ATRNL1: variants seen among roughly 807,000 people sequenced by gnomAD.
The protein encoded by ATRNL1 is attractin-like protein 1.
In ATRNL1, 95 loss-of-function variants were observed where a neutral mutation model predicts 182.7. That is an observed-to-expected ratio of 0.52 (90% CI 0.44 to 0.62). The LOEUF is 0.62. Ranked by LOEUF, ATRNL1 falls within the 20% of genes least tolerant of loss-of-function variation. ATRNL1 has a pLI of 0.00. For missense variants in ATRNL1, 1,471 were observed against 1,679.5 expected (o/e 0.88, Z 2.17); for synonymous variants, 576 against 568.3 (o/e 1.01, Z -0.19).
At chr10:115,844,808 T>G (rs1555098311) in intron 27 of ATRNL1, among the ~76,000 whole-genome samples, 2 of 151,994 alleles carry the variant, frequency 1.3e-5, no homozygotes, top group Admixed American at 6.6e-5. Context: ...CCAGGCCTTA[T>G]CTCTTTGAAA....
chr10:115,156,473 A>C (rs1298813712), intron 5 of ATRNL1, among the ~76,000 whole-genome samples: 1 of 152,156 alleles, frequency 6.6e-6, no homozygotes, highest in East Asian at 1.9e-4. Context: ...GTTTGAATTC[A>C]TGAGAGATTG....
chr10:115,425,367 G>C, intron 20 of ATRNL1, among the ~76,000 whole-genome samples: 1 of 151,640 alleles, frequency 6.6e-6, no homozygotes, highest in East Asian at 1.9e-4. Context: ...ATAATTTTTA[G>C]TATTTAAATA....
At chr10:115,879,179 T>C (rs2134435400) in intron 28 of ATRNL1, among the ~76,000 whole-genome samples, 1 of 152,010 alleles carries the variant, frequency 6.6e-6, no homozygotes, top group Admixed American at 6.5e-5. Context: ...TGGTGATACA[T>C]GCCTGTAGTC....
At chr10:115,282,599 G>A (rs1349359732) in intron 14 of ATRNL1, among the ~76,000 whole-genome samples, 2 of 152,056 alleles carry the variant, frequency 1.3e-5, no homozygotes, top group Non-Finnish European at 1.5e-5. Flanking sequence ...CTCTTCCTTT[G>A]AAATATAAAA....
chr10:115,336,128 A>G (rs979810654), intron 19 of ATRNL1, among the ~76,000 whole-genome samples: 3 of 152,218 alleles, frequency 2.0e-5, no homozygotes, highest in African/African-American at 7.2e-5. Flanking sequence ...TGTGGACACA[A>G]ATATTTAATG....
At chr10:115,375,110 A>G (rs1400123234) in intron 19 of ATRNL1, among the ~76,000 whole-genome samples, 8 of 151,566 alleles carry the variant, frequency 5.3e-5, no homozygotes, top group African/African-American at 9.7e-5. Context: ...ATTGTAGTCT[A>G]TCTGTCTTTT....
chr10:115,564,133 T>C (rs2133845969), intron 26 of ATRNL1, among the ~76,000 whole-genome samples: 1 of 152,206 alleles, frequency 6.6e-6, no homozygotes, highest in African/African-American at 2.4e-5. Context: ...ATTTAGTTTA[T>C]TGTCATTCAC....
chr10:115,234,890 A>T (rs890414739), intron 9 of ATRNL1, among the ~76,000 whole-genome samples: 5 of 152,116 alleles, frequency 3.3e-5, no homozygotes, highest in African/African-American at 1.2e-4. Context: ...TTGATTTCTT[A>T]ATAAGTTTTC....
chr10:115,777,984 G>T (rs1421048322), intron 27 of ATRNL1, among the ~76,000 whole-genome samples: 4 of 151,592 alleles, frequency 2.6e-5, no homozygotes, highest in Non-Finnish European at 1.5e-5. Flanking sequence ...GAAACTTATT[G>T]CGAACTTGTG....
At chr10:115,274,668 A>G (rs941965676) in intron 13 of ATRNL1, among the ~76,000 whole-genome samples, 1 of 152,210 alleles carries the variant, frequency 6.6e-6, no homozygotes, top group South Asian at 2.1e-4. Flanking sequence ...CTCAGAACTA[A>G]GTTATTAAAT....
chr10:115,698,399 C>A lies in ATRNL1; in HGVS notation c.3796-28849C>A, dbSNP rs1407939902. ...ATAAGGACAGGGGAAATCATGAAGG[C>A]ATTTTAAGATGATGAATTTTCTTAA... On this transcript the variant is annotated intron_variant, in intron 26 of 28. Transcript: ENST00000355044. Among the ~76,000 whole-genome samples, 2 of 152,058 alleles carry A rather than the reference C, an allele frequency of 1.3e-5. 1 individual carries two copies. The highest frequency in any genetic ancestry group is 3.9e-4 in the East Asian group (2 of 5,188).
intron 26 of ATRNL1, among the ~76,000 whole-genome samples, chr10:115,599,583 T>C (rs1555015313): frequency 1.3e-5 from 2 of 152,174 alleles, no homozygotes; most frequent in Non-Finnish European, 2.9e-5. Flanking sequence ...TGACTACTAG[T>C]AGTTTGCTAA....
At chr10:115,488,296 G>A (rs1461687698) in intron 24 of ATRNL1, among the ~76,000 whole-genome samples, 1 of 152,160 alleles carries the variant, frequency 6.6e-6, no homozygotes, top group African/African-American at 2.4e-5. Context: ...AGAAGGAATG[G>A]TACCAGTTCC....
At chr10:115,824,316 A>G (rs1233307583) in intron 27 of ATRNL1, among the ~76,000 whole-genome samples, 5 of 152,240 alleles carry the variant, frequency 3.3e-5, no homozygotes, top group Non-Finnish European at 7.3e-5. Flanking sequence ...ACCTAAAACC[A>G]TAGAAACCCT....
chr10:115,825,994 G>A (rs1950422546), intron 27 of ATRNL1, among the ~76,000 whole-genome samples: 1 of 152,100 alleles, frequency 6.6e-6, no homozygotes, highest in East Asian at 1.9e-4. Context: ...ATGTAGACAT[G>A]GGATTTTAGC....
intron 17 of ATRNL1, 31 bp downstream of exon 17, chr10:115,302,074 T>TTTAAA (rs781848950): frequency 6.6e-7 from 1 of 1,526,386 alleles, no homozygotes; most frequent in Non-Finnish European, 8.9e-7. Context: ...ACTTTTCACT[T>TTTAAA]GACAGCAACG....
intron 25 of ATRNL1, among the ~76,000 whole-genome samples, chr10:115,548,408 A>G (rs1292888481): frequency 1.3e-5 from 2 of 152,224 alleles, no homozygotes; most frequent in African/African-American, 2.4e-5. Flanking sequence ...AAAAATTGCC[A>G]CTGCTTATGA....
chr10:115,752,515 G>C (rs1183733881), intron 27 of ATRNL1, among the ~76,000 whole-genome samples: 1 of 151,966 alleles, frequency 6.6e-6, no homozygotes, highest in Non-Finnish European at 1.5e-5. Flanking sequence ...AAGATGAAAA[G>C]AACTGATAAT....
rs1855454720 is a variant in ATRNL1 at position 115,585,453 on chromosome 10, T to C, written c.3795+35917T>C. On this transcript the variant is annotated intron_variant, in intron 26 of 28. Coordinates refer to ENST00000355044, the MANE Select transcript of ATRNL1 (RefSeq NM_207303.4). ...TGCTCCTGTATTGGGTGCATATATA[T>C]TTAGGATAGTTAGCTCTTCTTGTTG... is the stretch of plus-strand genomic sequence containing the variant. Among the ~76,000 whole-genome samples, 4 of 127,362 alleles carry C rather than the reference T, an allele frequency of 3.1e-5. No individual in the cohort carries two copies. The East Asian group carries it at 8.3e-4, about 26-fold the overall frequency. 83.6% of individuals were successfully genotyped at this position (127,362 alleles called of 152,430 possible). A position where few individuals can be genotyped will look rare whatever the true frequency, so the allele number is the denominator to read the frequency against.
Sources: allele counts gnomAD v4.1 joint callset (sites outside exome capture counted in the v4.1 genomes callset), GRCh38; gene constraint gnomAD v4.1.1; transcripts MANE v1.5; gene names NCBI Gene and HGNC (gene_info 2026-07-23, HGNC 2026-07-21).